PTPRG: variants seen among roughly 807,000 people sequenced by gnomAD.
PTPRG encodes the protein receptor-type tyrosine-protein phosphatase gamma.
A neutral mutation model predicts 165.3 loss-of-function variants in PTPRG; 102 were observed. That is an observed-to-expected ratio of 0.62 (90% CI 0.53 to 0.73). PTPRG has a LOEUF of 0.73. PTPRG is among the 30% of genes least tolerant of loss of function. PTPRG has a pLI of 0.00. For missense variants in PTPRG, 1,866 were observed against 1,861.4 expected (o/e 1.00, Z -0.05); for synonymous variants, 675 against 669.5 (o/e 1.01, Z -0.13).
At chr3:62,164,299 A>G (rs1297571757) in intron 7 of PTPRG, among the ~76,000 whole-genome samples, 1 of 152,198 alleles carries the variant, frequency 6.6e-6, no homozygotes, top group Non-Finnish European at 1.5e-5. Context: ...GTAATGATGT[A>G]TCAGTAGATT....
At chr3:61,832,345 C>T (rs944435826) in intron 2 of PTPRG, among the ~76,000 whole-genome samples, 3 of 152,168 alleles carry the variant, frequency 2.0e-5, no homozygotes, top group Non-Finnish European at 4.4e-5. Context: ...CTCAAAACCC[C>T]TTCCCTGGAC....
At chr3:61,600,825 G>A (rs934536473) in intron 1 of PTPRG, among the ~76,000 whole-genome samples, 4 of 152,200 alleles carry the variant, frequency 2.6e-5, no homozygotes, top group Non-Finnish European at 4.4e-5. Context: ...ACAGGCTTGA[G>A]CCACTGCACC....
chr3:61,973,560 G>C (rs1374550819), intron 2 of PTPRG, among the ~76,000 whole-genome samples: 2 of 152,056 alleles, frequency 1.3e-5, no homozygotes, highest in Non-Finnish European at 2.9e-5. Flanking sequence ...GTCCAGATGC[G>C]GTGGCTCATA....
In PTPRG at chr3:62,190,222, G is replaced by A. The variant is rs146714432; in HGVS notation, c.1034-1247G>A. Among the ~76,000 whole-genome samples the A allele has an allele frequency of 6.8e-4, 104 of 152,300 alleles. No homozygotes were observed. Among genetic ancestry groups the A allele is most frequent in the Non-Finnish European group, 1.3e-3 (89 of 68,032 alleles). On this transcript the variant is annotated intron_variant, in intron 8 of 29. Coordinates refer to ENST00000474889, the MANE Select transcript of PTPRG (RefSeq NM_002841.4). This position sits in a 1 kb window ranked among gnomAD's most constrained non-coding sequence, Gnocchi z 5.2. ...TTGGTTGTCACAAGTTGAGGACGGG[G>A]AGCAGAGCTACTGGCATCTAGCAGA...
chr3:61,921,430 C>A (rs766131710), intron 2 of PTPRG, among the ~76,000 whole-genome samples: 1 of 151,948 alleles, frequency 6.6e-6, no homozygotes, highest in Admixed American at 6.6e-5. Context: ...ACAGGTTAAG[C>A]GTCCCTAATC....
intron 12 of PTPRG, among the ~76,000 whole-genome samples, chr3:62,215,041 A>G (rs566642926): frequency 1.7e-4 from 26 of 152,306 alleles, no homozygotes; most frequent in African/African-American, 5.8e-4. Context: ...AGGCGGGACC[A>G]TGGCTCAGCA....
At chr3:61,797,593 C>A (rs542486179) in intron 2 of PTPRG, among the ~76,000 whole-genome samples, 37 of 148,666 alleles carry the variant, frequency 2.5e-4, no homozygotes, top group African/African-American at 5.4e-4. Flanking sequence ...CCCCCCCCAC[C>A]CCCCCACCTC....
chr3:62,283,694 A>G (rs900855898), intron 28 of PTPRG, among the ~76,000 whole-genome samples: 5 of 152,108 alleles, frequency 3.3e-5, no homozygotes, highest in Non-Finnish European at 4.4e-5. Context: ...AGCATAAAGT[A>G]TTAATAAATT....
chr3:62,129,418 A>G (rs550233843), intron 5 of PTPRG, among the ~76,000 whole-genome samples: 1 of 152,326 alleles, frequency 6.6e-6, no homozygotes, highest in Admixed American at 6.5e-5. Context: ...TGGGTAATTT[A>G]TAATGAACAG....
intron 8 of PTPRG, 35 bp downstream of exon 8, chr3:62,168,198 A>T (rs778848883): frequency 2.0e-6 from 3 of 1,536,866 alleles, no homozygotes; most frequent in Non-Finnish European, 2.6e-6. Flanking sequence ...CCAGAGGAAG[A>T]TTCCTTATCA....
At chr3:61,917,547 G>A (rs188480251) in intron 2 of PTPRG, among the ~76,000 whole-genome samples, 328 of 152,274 alleles carry the variant, frequency 2.2e-3, no homozygotes, top group Non-Finnish European at 3.6e-3. Flanking sequence ...AGCATTCAGA[G>A]GGTCCTGAGA....
chr3:61,579,471 A>AG (rs1290659071), intron 1 of PTPRG, among the ~76,000 whole-genome samples: 4 of 152,248 alleles, frequency 2.6e-5, no homozygotes, highest in Non-Finnish European at 5.9e-5. Flanking sequence ...TGTGAGCATG[A>AG]GCTGGTAAAA....
intron 2 of PTPRG, among the ~76,000 whole-genome samples, chr3:61,805,553 C>CAAAAAAAAAAAAAAAAAAAAAAAAA: frequency 8.7e-6 from 1 of 115,474 alleles, no homozygotes; most frequent in Non-Finnish European, 1.8e-5. Context: ...AAAAAAAAAT[C>CAAAAAAAAAAAAAAAAAAAAAAAAA]AAAGTGCCCC....
intron 4 of PTPRG, among the ~76,000 whole-genome samples, chr3:62,060,195 G>T (rs1285208247): frequency 5.9e-5 from 8 of 136,128 alleles, no homozygotes; most frequent in Non-Finnish European, 3.1e-5. Context: ...CTGAGCAACA[G>T]AGTGAGACCC....
chr3:61,958,692 A>G (rs144346340), intron 2 of PTPRG, among the ~76,000 whole-genome samples: 2,442 of 152,280 alleles, frequency 0.016, 37 homozygotes, highest in Non-Finnish European at 0.025. Flanking sequence ...TCAAAGGTAG[A>G]CATTGAATCT....
At chr3:61,794,890 T>C (rs2034998700) in intron 2 of PTPRG, among the ~76,000 whole-genome samples, 1 of 152,172 alleles carries the variant, frequency 6.6e-6, no homozygotes. Context: ...ATATTGATGA[T>C]GGTATTTGGA....
intron 5 of PTPRG, among the ~76,000 whole-genome samples, chr3:62,117,304 G>C (rs1023361259): frequency 1.3e-5 from 2 of 152,168 alleles, no homozygotes; most frequent in Non-Finnish European, 2.9e-5. Flanking sequence ...CTTGAATTCT[G>C]TATATTGTTC....
chr3:62,239,800 T>C (rs1189655039), intron 14 of PTPRG, among the ~76,000 whole-genome samples: 2 of 152,210 alleles, frequency 1.3e-5, no homozygotes, highest in Non-Finnish European at 2.9e-5. Context: ...ATCCCTGCTT[T>C]TGCTTTTTTT....
intron 4 of PTPRG, among the ~76,000 whole-genome samples, chr3:62,046,137 T>C (rs1287398612): frequency 6.6e-6 from 1 of 152,198 alleles, no homozygotes; most frequent in African/African-American, 2.4e-5. Flanking sequence ...GGGCACCCTC[T>C]CCCCACTATA....
Sources: allele counts gnomAD v4.1 joint callset (sites outside exome capture counted in the v4.1 genomes callset), GRCh38; gene constraint gnomAD v4.1.1; non-coding constraint Gnocchi (gnomAD v3.1); transcripts MANE v1.5; gene names NCBI Gene and HGNC (gene_info 2026-07-23, HGNC 2026-07-21).